WNK3: variants seen among roughly 807,000 people sequenced by gnomAD.
The protein encoded by WNK3 is serine/threonine-protein kinase WNK3.
WNK3 carries 18 observed loss-of-function variants against 116.7 expected under a neutral mutation model. The ratio of observed to expected loss-of-function variants is 0.15; its 90% CI spans 0.11 to 0.23. The LOEUF (loss-of-function observed/expected upper bound fraction) is 0.23, where lower values mean the gene tolerates loss of function less well. WNK3 is among the 10% of genes least tolerant of loss of function. The probability of loss-of-function intolerance (pLI) is 1.00; values close to 1 mark genes in which losing one functional copy is unlikely to be tolerated. For missense variants in WNK3, 993 were observed against 1,323.8 expected, an observed-to-expected ratio of 0.75 and a Z score of 3.88; for synonymous variants, 404 against 469.4, an observed-to-expected ratio of 0.86 and a Z score of 1.80.
intron 12 of WNK3, 49 bp from the exon 13 acceptor site, chrX:54,254,124 T>C (rs782042930): frequency 1.2e-6 from 1 of 866,624 alleles, no homozygotes. Flanking sequence ...TGTCTTCTTT[T>C]TGCAAATTGT....
chrX:54,310,222 C>T (rs2068871331), intron 3 of WNK3, among the ~76,000 whole-genome samples: 1 of 109,185 alleles, frequency 9.2e-6, no homozygotes, highest in Non-Finnish European at 1.9e-5. Context: ...TGACCAAGCC[C>T]TCCAACCTTC....
chrX:54,238,294 A>G (rs781882868), intron 19 of WNK3, 48 bp downstream of exon 19: 12 of 1,171,705 alleles, frequency 1.0e-5, no homozygotes, highest in Non-Finnish European at 1.3e-5. Flanking sequence ...ACTGGCTGTT[A>G]TATTTTATAA....
chrX:54,196,165 C>T (rs1208684812), exon 24 of WNK3: 1 of 111,098 alleles, frequency 9.0e-6, no homozygotes, highest in Non-Finnish European at 1.9e-5. Flanking sequence ...GCAATGCAAG[C>T]ATTTGCATTA....
intron 10 of WNK3, among the ~76,000 whole-genome samples, chrX:54,268,082 A>G (rs187544871): frequency 1.4e-4 from 5 of 35,208 alleles, no homozygotes; most frequent in South Asian, 2.6e-3. Context: ...GAATGCGTGC[A>G]CACACACACA....
chrX:54,201,898 T>C, intron 23 of WNK3, 93 bp downstream of exon 23: 1 of 709,428 alleles, frequency 1.4e-6, no homozygotes. Context: ...GTCATACTAC[T>C]CTCTCATAGT....
intron 7 of WNK3, among the ~76,000 whole-genome samples, chrX:54,297,693 G>A (rs781809644): frequency 9.0e-6 from 1 of 111,510 alleles, no homozygotes; most frequent in Admixed American, 9.6e-5. Flanking sequence ...CTTAATAAAT[G>A]TAGAGCTTTA....
At chrX:54,322,919 G>T (rs1006873750) in intron 2 of WNK3, among the ~76,000 whole-genome samples, 1 of 110,971 alleles carries the variant, frequency 9.0e-6, no homozygotes, top group South Asian at 3.8e-4. Flanking sequence ...ATACTGGGGA[G>T]AAATCACATA....
chrX:54,240,967 A>C (rs2068016059), intron 17 of WNK3, among the ~76,000 whole-genome samples: 1 of 111,569 alleles, frequency 9.0e-6, no homozygotes, highest in African/African-American at 3.3e-5. Flanking sequence ...TCACTGCTAA[A>C]GAGATATTTA....
At chrX:54,325,679 CAAAAAAAAAAA>C (rs57064020) in intron 2 of WNK3, among the ~76,000 whole-genome samples, 10 of 11,311 alleles carry the variant, frequency 8.8e-4, no homozygotes, top group African/African-American at 1.7e-3. Context: ...AACTCCCTCT[CAAAAAAAAAAA>C]AAAAAAAAAA....
chrX:54,333,078 C>A, intron 2 of WNK3, 59 bp downstream of exon 2: 1 of 862,127 alleles, frequency 1.2e-6, no homozygotes, highest in Non-Finnish European at 1.6e-6. Context: ...ATGAATCACA[C>A]AGAAGGCCAG....
intron 22 of WNK3, among the ~76,000 whole-genome samples, chrX:54,227,360 ATCAG>A (rs782246133): frequency 2.7e-5 from 3 of 112,037 alleles, no homozygotes; most frequent in Non-Finnish European, 3.8e-5. Context: ...TCATGTATTT[ATCAG>A]TCATTCATAT....
At chrX:54,220,620 A>T (rs948216815) in intron 22 of WNK3, among the ~76,000 whole-genome samples, 7 of 111,508 alleles carry the variant, frequency 6.3e-5, no homozygotes, top group Non-Finnish European at 1.1e-4. Context: ...CTAAATCCAA[A>T]TGGCTTTATT....
rs1434837200 is a variant in WNK3 at position 54,207,583 on chromosome X, G to A, written c.4871-5390C>T. ...GCCTGGAGTGTAATGGCATGATCTC[G>A]GCTCACTGCAACCTCCGCTTCCCAG... On this transcript the variant is annotated intron_variant, in intron 22 of 23. Coordinates refer to ENST00000354646, the Ensembl canonical transcript of WNK3. 7.1e-5 allele frequency among the ~76,000 whole-genome samples: 7 copies of A among 98,366 alleles called. No individual in the cohort carries two copies. In the East Asian group the frequency reaches 9.4e-4, roughly 13 times the overall value. 85.4% of individuals were successfully genotyped at this position (98,366 alleles called of 115,157 possible). A position where few individuals can be genotyped will look rare whatever the true frequency, so the allele number is the denominator to read the frequency against.
chrX:54,320,809 G>A (rs888383830), intron 2 of WNK3, among the ~76,000 whole-genome samples: 29 of 110,066 alleles, frequency 2.6e-4, no homozygotes, highest in African/African-American at 8.9e-4. Context: ...TGATAAACAT[G>A]AGGTTGCTCA....
At chrX:54,234,825 C>CAAA (rs782143289) in intron 20 of WNK3, among the ~76,000 whole-genome samples, 1 of 60,509 alleles carries the variant, frequency 1.7e-5, no homozygotes. Flanking sequence ...GACTCCGTCT[C>CAAA]AAAAAAAAAA....
At chrX:54,291,668 C>T (rs2068641802) in intron 10 of WNK3, among the ~76,000 whole-genome samples, 1 of 111,902 alleles carries the variant, frequency 8.9e-6, no homozygotes, top group Non-Finnish European at 1.9e-5. Flanking sequence ...CTATATCAAA[C>T]TAAATCTACC....
intron 1 of WNK3, among the ~76,000 whole-genome samples, chrX:54,337,430 G>A (rs947218630): frequency 2.8e-5 from 3 of 109,029 alleles, no homozygotes; most frequent in Non-Finnish European, 5.7e-5. Context: ...GTGTGGTGGC[G>A]GGTGCCTGTA....
intron 15 of WNK3, among the ~76,000 whole-genome samples, chrX:54,250,946 T>C (rs1370162160): frequency 3.6e-5 from 4 of 111,499 alleles, no homozygotes; most frequent in Non-Finnish European, 5.6e-5. Flanking sequence ...TCTGATTTAC[T>C]AAAAGTTATC....
At chrX:54,265,998 C>CG (rs369172164) in intron 10 of WNK3, among the ~76,000 whole-genome samples, 9 of 105,235 alleles carry the variant, frequency 8.6e-5, no homozygotes, top group South Asian at 4.1e-4. Context: ...GACAAGACAG[C>CG]GAAAAAAAAA....
Sources: allele counts gnomAD v4.1 joint callset (sites outside exome capture counted in the v4.1 genomes callset), GRCh38; gene constraint gnomAD v4.1.1; transcripts MANE v1.5; gene names NCBI Gene and HGNC (gene_info 2026-07-23, HGNC 2026-07-21).